The following PRICKLE2 variants were observed in gnomAD, a reference collection of about 807,000 sequenced individuals.
PRICKLE2 encodes the protein prickle planar cell polarity protein 2, also known as prickle-like protein 2.
A neutral mutation model predicts 81.4 loss-of-function variants in PRICKLE2; 21 were observed. That is an observed-to-expected ratio of 0.26 (90% confidence interval 0.18 to 0.37). The LOEUF (loss-of-function observed/expected upper bound fraction) is 0.37, where lower values mean the gene tolerates loss of function less well. PRICKLE2 is among the 10% of genes least tolerant of loss of function. The pLI is 1.00. For missense variants in PRICKLE2, 940 were observed against 1,109.0 expected (o/e 0.85, Z 2.16); for synonymous variants, 456 against 421.5 (o/e 1.08, Z -1.00).
chr3:64,187,787 A>G (rs1478250575), intron 2 of PRICKLE2, among the ~76,000 whole-genome samples: 1 of 152,220 alleles, frequency 6.6e-6, no homozygotes, highest in Non-Finnish European at 1.5e-5. Context: ...CTCACATAAA[A>G]GAGCAAACTG....
chr3:64,227,008 A>G (rs2079041799), upstream of PRICKLE2, among the ~76,000 whole-genome samples: 1 of 152,246 alleles, frequency 6.6e-6, no homozygotes, highest in African/African-American at 2.4e-5. Context: ...CTGCCCTTCC[A>G]GCTGCAGTTC....
chr3:64,183,940 C>G (rs529645595), intron 2 of PRICKLE2, among the ~76,000 whole-genome samples: 1 of 152,190 alleles, frequency 6.6e-6, no homozygotes, highest in South Asian at 2.1e-4. Flanking sequence ...ATTAACTGCT[C>G]CCTAAGCACT....
chr3:64,121,713 C>T (rs6808778), intron 7 of PRICKLE2, among the ~76,000 whole-genome samples: 5,684 of 152,176 alleles, frequency 0.037, 314 homozygotes, highest in East Asian at 0.27. Context: ...TGTTTCTTGC[C>T]GCCCCCTAGT....
At chr3:64,249,709 T>C (rs191053195) in intron 2 of PRICKLE2, among the ~76,000 whole-genome samples, 1 of 152,332 alleles carries the variant, frequency 6.6e-6, no homozygotes, top group African/African-American at 2.4e-5. Context: ...CAGGTCTGAA[T>C]CCCTCTCACC....
chr3:64,163,560 G>A (rs1267090894), intron 2 of PRICKLE2: 8 of 232,690 alleles, frequency 3.4e-5, no homozygotes, highest in African/African-American at 1.8e-4. Flanking sequence ...GCCAGTCTTT[G>A]GCACTCGGCA....
intron 7 of PRICKLE2, among the ~76,000 whole-genome samples, chr3:64,127,552 A>T (rs957460934): frequency 3.3e-5 from 5 of 152,134 alleles, no homozygotes; most frequent in Non-Finnish European, 7.4e-5. Context: ...TGAGACTCAA[A>T]GAGGTTGGGG....
intron 2 of PRICKLE2, among the ~76,000 whole-genome samples, chr3:64,256,983 A>T (rs2079534313): frequency 6.6e-6 from 1 of 152,188 alleles, no homozygotes; most frequent in African/African-American, 2.4e-5. Flanking sequence ...CCTAATATCC[A>T]TCAGATATTT....
At position 64,099,417 on chromosome 3, in the gene PRICKLE2, A is replaced by G. The variant is rs779638112; in HGVS notation, c.2169T>C (p.Tyr723=). The G allele has an allele frequency of 5.6e-6, 9 of 1,596,654 alleles. No homozygotes were observed. In the South Asian group the frequency reaches 7.8e-5, roughly 14 times the overall value. The stretch of plus-strand genomic sequence containing the variant: ...AGCTCCGCTGGCGCATAAATTGGTC[A>G]TAGTCCTCCCTGGCTCTCAGAGGGG... The part of the protein sequence containing the change: ...DRPPLRARED[Y]DQFMRQRSFQ... Residue 723 remains tyrosine (Y), a synonymous_variant, in exon 8 of 8, where the codon TAT becomes TAC. Transcript: ENST00000638394. The surrounding 1 kb of genome is among the most constrained non-coding windows in gnomAD (Gnocchi z 4.3).
intron 2 of PRICKLE2, chr3:64,194,045 G>A (rs948180089): frequency 6.6e-6 from 1 of 152,154 alleles, no homozygotes; most frequent in African/African-American, 2.4e-5. Context: ...TTGCTTTCCT[G>A]GATGTCTCAC....
chr3:64,219,291 T>C (rs1425253119), intron 1 of PRICKLE2, among the ~76,000 whole-genome samples: 1 of 152,186 alleles, frequency 6.6e-6, no homozygotes, highest in Non-Finnish European at 1.5e-5. Context: ...ACCTTCATGT[T>C]CAAGATGAAA....
intron 2 of PRICKLE2, among the ~76,000 whole-genome samples, chr3:64,177,426 C>T (rs1235977034): frequency 6.6e-6 from 1 of 152,104 alleles, no homozygotes; most frequent in Non-Finnish European, 1.5e-5. Flanking sequence ...AGCCACCATG[C>T]CTGGCCTCAT....
At chr3:64,248,851 G>C (rs973285985) in intron 2 of PRICKLE2, among the ~76,000 whole-genome samples, 7 of 152,162 alleles carry the variant, frequency 4.6e-5, no homozygotes, top group Non-Finnish European at 8.8e-5. Context: ...GCTAGTAACA[G>C]ACCTGAAATG....
At chr3:64,179,937 A>G (rs1210631466) in intron 2 of PRICKLE2, among the ~76,000 whole-genome samples, 2 of 152,154 alleles carry the variant, frequency 1.3e-5, no homozygotes, top group South Asian at 2.1e-4. Context: ...ACTCTGTCCT[A>G]TGTATTTGAT....
At chr3:64,215,177 A>G (rs2078852893) in intron 1 of PRICKLE2, among the ~76,000 whole-genome samples, 1 of 152,090 alleles carries the variant, frequency 6.6e-6, no homozygotes, top group South Asian at 2.1e-4. Context: ...GACCCTATAT[A>G]ACCTGGTCTG....
upstream of PRICKLE2, among the ~76,000 whole-genome samples, chr3:64,226,977 G>C (rs1022337627): frequency 3.3e-5 from 5 of 152,236 alleles, no homozygotes; most frequent in Admixed American, 3.3e-4. Flanking sequence ...CCCCCGCCTG[G>C]GGAACCCACT....
intron 2 of PRICKLE2, among the ~76,000 whole-genome samples, chr3:64,176,506 A>T (rs2078025369): frequency 6.6e-6 from 1 of 152,230 alleles, no homozygotes; most frequent in Non-Finnish European, 1.5e-5. Context: ...GACAGAAGGA[A>T]ATTCTAGGAC....
At chr3:64,110,425 C>A (rs1412918201) in intron 7 of PRICKLE2, among the ~76,000 whole-genome samples, 2 of 152,152 alleles carry the variant, frequency 1.3e-5, no homozygotes, top group Non-Finnish European at 2.9e-5. Context: ...CAACTGTGAA[C>A]AAGGCCCTTT....
At chr3:64,250,478 A>T (rs1258605778) in intron 2 of PRICKLE2, among the ~76,000 whole-genome samples, 1 of 152,002 alleles carries the variant, frequency 6.6e-6, no homozygotes, top group Non-Finnish European at 1.5e-5. Flanking sequence ...TGGGCATACA[A>T]CCCAAACTGA....
chr3:64,248,977 A>G (rs2079401186), intron 2 of PRICKLE2, among the ~76,000 whole-genome samples: 1 of 152,196 alleles, frequency 6.6e-6, no homozygotes, highest in Non-Finnish European at 1.5e-5. Flanking sequence ...AGTTATTTTC[A>G]CTAGTATTTA....
Sources: gnomAD v4.1 joint callset for allele counts (sites outside exome capture counted in the v4.1 genomes callset) on GRCh38, gnomAD v4.1.1 for gene constraint, Gnocchi (gnomAD v3.1) non-coding constraint, MANE v1.5 for transcripts, NCBI Gene and HGNC (gene_info 2026-07-23, HGNC 2026-07-21) for gene names.